The following TEKTL1 variants were observed in gnomAD, a reference collection of about 807,000 sequenced individuals.
TEKTL1 encodes tektin-like protein 1.
chr19:15,013,115 C>A, the TEKTL1 span, among the ~76,000 whole-genome samples: 3,915 of 152,172 alleles, frequency 0.026, 144 homozygotes, highest in African/African-American at 0.089. Context: ...TAGTACCAGT[C>A]CTGGTGAAAT....
the TEKTL1 span, chr19:15,021,862 T>C: frequency 6.2e-7 from 1 of 1,613,968 alleles, no homozygotes; most frequent in Non-Finnish European, 8.5e-7. Context: ...GACCCCTGGT[T>C]CGCATGTACC....
At chr19:15,011,119 C>G in the TEKTL1 span, 5 of 1,546,656 alleles carry the variant, frequency 3.2e-6, no homozygotes, top group East Asian at 9.6e-5. Context: ...TGTGGAAGGG[C>G]AAGATGAAGC....
At chr19:15,016,954 C>T in the TEKTL1 span, among the ~76,000 whole-genome samples, 743 of 152,300 alleles carry the variant, frequency 4.9e-3, 24 homozygotes, top group Admixed American at 0.043. Flanking sequence ...CATCTGTTAT[C>T]CCAGCACTTT....
the TEKTL1 span, among the ~76,000 whole-genome samples, chr19:15,012,034 T>C: frequency 6.6e-6 from 1 of 151,822 alleles, no homozygotes; most frequent in Non-Finnish European, 1.5e-5. Context: ...TGCGGGAGGA[T>C]TGCTTGAGGC....
chr19:15,021,557 CAG>C, the TEKTL1 span: 1 of 1,613,510 alleles, frequency 6.2e-7, no homozygotes, highest in Non-Finnish European at 8.5e-7. Flanking sequence ...CAGGGTGGGA[CAG>C]GGGAGGAGAC....
chr19:15,022,847 G>T, the TEKTL1 span: 1 of 1,564,726 alleles, frequency 6.4e-7, no homozygotes, highest in South Asian at 1.2e-5. Context: ...TCTGGCTCAC[G>T]GGTCTGCCCT....
chr19:15,016,718 A>G, the TEKTL1 span, among the ~76,000 whole-genome samples: 1 of 152,224 alleles, frequency 6.6e-6, no homozygotes, highest in Admixed American at 6.5e-5. Flanking sequence ...GGTTTTCCTC[A>G]AGGTACAGTT....
At chr19:15,017,849 G>A in the TEKTL1 span, among the ~76,000 whole-genome samples, 2 of 152,180 alleles carry the variant, frequency 1.3e-5, no homozygotes, top group African/African-American at 4.8e-5. Flanking sequence ...AAGGAGGCAG[G>A]AGATGTCTGA....
At chr19:15,018,720 G>GATATATATATATATATA in the TEKTL1 span, among the ~76,000 whole-genome samples, 1 of 85,842 alleles carries the variant, frequency 1.2e-5, no homozygotes, top group Non-Finnish European at 2.6e-5. Context: ...CTCAAAATAT[G>GATATATATATATATATA]TATATATATA....
At chr19:15,021,393 C>G in the TEKTL1 span, 1 of 1,614,178 alleles carries the variant, frequency 6.2e-7, no homozygotes, top group Non-Finnish European at 8.5e-7. Flanking sequence ...GGTTGTTGGT[C>G]GAGTCCAAGG....
chr19:15,019,401 A>G, the TEKTL1 span, among the ~76,000 whole-genome samples: 1 of 152,250 alleles, frequency 6.6e-6, no homozygotes, highest in Non-Finnish European at 1.5e-5. Context: ...TACTACAAAA[A>G]AATGATAAGT....
At chr19:15,021,521 T>G in the TEKTL1 span, 8 of 1,613,942 alleles carry the variant, frequency 5.0e-6, no homozygotes, top group Non-Finnish European at 4.2e-6. Context: ...GAGCTGAAGG[T>G]GAGCGCATTA....
At chr19:15,021,621 A>G in the TEKTL1 span, 1 of 1,614,080 alleles carries the variant, frequency 6.2e-7, no homozygotes, top group Non-Finnish European at 8.5e-7. Context: ...CCCAGGAAAG[A>G]TTAAATATGA....
the TEKTL1 span, chr19:15,013,551 C>T: frequency 2.9e-6 from 2 of 693,180 alleles, no homozygotes; most frequent in South Asian, 1.9e-5. Context: ...TGAGAGTACC[C>T]TCAACTTCAT....
At chr19:15,018,545 C>T in the TEKTL1 span, among the ~76,000 whole-genome samples, 1 of 149,566 alleles carries the variant, frequency 6.7e-6, no homozygotes, top group Non-Finnish European at 1.5e-5. Context: ...CGCGTCCCTA[C>T]AAAAATTAAA....
At chr19:15,021,353 C>A in the TEKTL1 span, 1 of 1,613,846 alleles carries the variant, frequency 6.2e-7, no homozygotes, top group South Asian at 1.1e-5. Context: ...GCATTTGCAG[C>A]GTGCGCCTTG....
At chr19:15,023,041 C>G in the TEKTL1 span, 2 of 1,611,852 alleles carry the variant, frequency 1.2e-6, no homozygotes, top group Non-Finnish European at 1.7e-6. Context: ...ACGTGTGCTA[C>G]GAGCAGGCGC....
the TEKTL1 span, among the ~76,000 whole-genome samples, chr19:15,016,686 A>G: frequency 1.3e-5 from 2 of 152,244 alleles, no homozygotes; most frequent in African/African-American, 4.8e-5. Flanking sequence ...TTCCATTTAT[A>G]TGAAGTTTTA....
chr19:15,023,041 C>CGAGCAGG, the TEKTL1 span: 1 of 1,611,852 alleles, frequency 6.2e-7, no homozygotes, highest in Admixed American at 1.7e-5. Context: ...ACGTGTGCTA[C>CGAGCAGG]GAGCAGGCGC....
Sources: gnomAD v4.1 joint callset for allele counts (sites outside exome capture counted in the v4.1 genomes callset) on GRCh38, gnomAD v4.1.1 for gene constraint, MANE v1.5 for transcripts, NCBI Gene and HGNC (gene_info 2026-07-23, HGNC 2026-07-21) for gene names.